The following SECISBP2 variants were observed in gnomAD, a reference collection of about 807,000 sequenced individuals.
SECISBP2 encodes selenocysteine insertion sequence-binding protein 2.
In SECISBP2, 96 loss-of-function variants were observed where a neutral mutation model predicts 98.2. The observed-to-expected ratio is 0.98, with a 90% CI of 0.83 to 1.16. The LOEUF is 1.16. SECISBP2 is among the 50% of genes most tolerant of loss of function. The probability of loss-of-function intolerance (pLI) is 0.00; values close to 1 mark genes in which losing one functional copy is unlikely to be tolerated. For missense variants in SECISBP2, 1,046 were observed against 1,022.9 expected (o/e 1.02, Z -0.31); for synonymous variants, 407 against 370.2 (o/e 1.10, Z -1.14).
chr9:89,324,194 T>C (rs1826295280), intron 2 of SECISBP2: 1 of 152,178 alleles, frequency 6.6e-6, no homozygotes, highest in South Asian at 2.1e-4. Context: ...CACAGGAACA[T>C]GTAGGCAGTG....
chr9:89,346,047 C>T (rs1830372335), intron 10 of SECISBP2, among the ~76,000 whole-genome samples: 1 of 152,198 alleles, frequency 6.6e-6, no homozygotes, highest in Non-Finnish European at 1.5e-5. Flanking sequence ...ATTTTAAAAA[C>T]ATGTTCCAAA....
chr9:89,349,632 C>T (rs1587989775), intron 12 of SECISBP2, 144 bp from the exon 13 acceptor site: 1 of 901,444 alleles, frequency 1.1e-6, no homozygotes, highest in Non-Finnish European at 1.8e-6. Context: ...TTTCTGCCTT[C>T]TGTAAACCTC....
chr9:89,341,246 G>T, intron 9 of SECISBP2, 101 bp from the exon 10 acceptor site: 1 of 1,166,884 alleles, frequency 8.6e-7, no homozygotes, highest in Middle Eastern at 2.8e-4. Flanking sequence ...CTTTTTTATA[G>T]TCTCAATCTT....
At chr9:89,361,726 C>G (rs999006275), downstream of SECISBP2, 1 of 152,406 alleles carries the variant, frequency 6.6e-6, no homozygotes, top group South Asian at 2.1e-4. Context: ...TAAACTGCAG[C>G]GCTTGATAAA....
intron 14 of SECISBP2, among the ~76,000 whole-genome samples, chr9:89,355,860 T>G (rs1279614732): frequency 1.3e-5 from 2 of 152,226 alleles, no homozygotes; most frequent in African/African-American, 4.8e-5. Flanking sequence ...ACATGCTGTT[T>G]CCATCAAACT....
At chr9:89,350,231 ATC>A (rs1587993499) in intron 13 of SECISBP2, among the ~76,000 whole-genome samples, 1 of 152,108 alleles carries the variant, frequency 6.6e-6, no homozygotes, top group African/African-American at 2.4e-5. Flanking sequence ...TCATGGTTTA[ATC>A]TCTGTGTAAT....
At chr9:89,330,680 G>A (rs534406403) in intron 5 of SECISBP2, among the ~76,000 whole-genome samples, 5 of 152,320 alleles carry the variant, frequency 3.3e-5, no homozygotes, top group African/African-American at 9.6e-5. Context: ...GAGAAGTCAG[G>A]CCAACTGATG....
rs1410404274 is a variant in SECISBP2 at position 89,325,689 on chromosome 9, G to A, written c.432+13G>A. The A allele has an allele frequency of 1.2e-6, 2 of 1,614,140 alleles. No individual in the cohort carries two copies. Among genetic ancestry groups the A allele is most frequent in the South Asian group, 1.1e-5 (1 of 91,064 alleles). On this transcript the variant is annotated intron_variant, in intron 3 of 16. Coordinates refer to ENST00000375807, the MANE Select transcript of SECISBP2 (RefSeq NM_024077.5). ...AGCTCTGTTTAAGGTGAGTAGTGAT[G>A]TTGTTTTGTTGTGTCCTTTAGTTGG... is the stretch of plus-strand genomic sequence containing the variant.
intron 16 of SECISBP2, 99 bp from the exon 17 acceptor site, chr9:89,358,622 A>C: frequency 2.6e-5 from 20 of 771,076 alleles, no homozygotes; most frequent in Non-Finnish European, 4.2e-5. Flanking sequence ...GCTGCTGGGC[A>C]GTGGCCACAG....
In SECISBP2 at chr9:89,355,899, A is replaced by G. The variant is rs147663754; in HGVS notation, c.2114-1512A>G. Among the ~76,000 whole-genome samples the G allele has an allele frequency of 2.8e-3, 424 of 152,324 alleles. 2 individuals are homozygous for G. Among genetic ancestry groups the G allele is most frequent in the Non-Finnish European group, 4.8e-3 (324 of 68,038 alleles). ...GTTTTTTCTGGCGTCCATCCTGTTA[A>G]TCTGCATCACCTTGTTTACACTATG... On this transcript the variant is annotated intron_variant, in intron 14 of 16. Coordinates refer to ENST00000375807, the MANE Select transcript of SECISBP2 (RefSeq NM_024077.5).
chr9:89,341,559 A>G, intron 10 of SECISBP2, 80 bp downstream of exon 10: 1 of 1,527,554 alleles, frequency 6.5e-7, no homozygotes, highest in Non-Finnish European at 9.1e-7. Flanking sequence ...TTCTCTTGTT[A>G]TCAAAAGTTA....
At position 89,326,171 on chromosome 9, in the gene SECISBP2, A is replaced by G. The variant is rs888691487; in HGVS notation, c.574+133A>G. On this transcript the variant is annotated intron_variant, in intron 4 of 16. Transcript: ENST00000375807. ...CCAAGAAATGAGACCTGGGTCTGAC[A>G]CAGCTTAGGGCGTCAGACTTCCTGA... 43 of 1,090,798 alleles carry G rather than the reference A, an allele frequency of 3.9e-5. No homozygotes were observed. In the African/African-American group the frequency reaches 6.4e-4, roughly 16 times the overall value. The allele number at this position is 1,090,798 out of a possible 1,614,324, so 67.6% of individuals were successfully genotyped here.
intron 3 of SECISBP2, 91 bp from the exon 4 acceptor site, chr9:89,325,806 G>T: frequency 6.3e-7 from 1 of 1,589,990 alleles, no homozygotes. Context: ...TTTAAAAAAT[G>T]ATTGAATTGT....
Position 89,348,146 on chromosome 9 carries a change from CCA to C in SECISBP2, c.1671_1672del (p.Ser558Ter). The C allele has an allele frequency of 6.2e-7, 1 of 1,614,022 alleles. No homozygotes were observed. The highest frequency in any genetic ancestry group is 8.5e-7 in the Non-Finnish European group (1 of 1,179,860). ...GAAAATGCTGTGAGTCCAGCTTTTA[CCA>C]GTGATGACACACAAGATGGAGAGAG... On this transcript the variant is annotated frameshift_variant, in exon 12 of 17. Transcript: ENST00000375807. LOFTEE classifies it high-confidence loss of function.
chr9:89,327,735 A>T (rs888802885), intron 4 of SECISBP2, among the ~76,000 whole-genome samples: 1 of 152,024 alleles, frequency 6.6e-6, no homozygotes, highest in African/African-American at 2.4e-5. Flanking sequence ...TGTGATAACA[A>T]TGCCTTATTC....
At chr9:89,318,805 C>T in intron 1 of SECISBP2, 193 bp downstream of exon 1, 1 of 1,270,906 alleles carries the variant, frequency 7.9e-7, no homozygotes, top group Non-Finnish European at 1.0e-6. Flanking sequence ...CGGTCAGCGG[C>T]TACAGACCCC....
intron 14 of SECISBP2, among the ~76,000 whole-genome samples, chr9:89,352,759 T>C (rs1354081609): frequency 6.6e-6 from 1 of 152,212 alleles, no homozygotes; most frequent in Non-Finnish European, 1.5e-5. Flanking sequence ...CTCAACCATA[T>C]CTTGTAAAAT....
rs564816124 is a variant in SECISBP2 at position 89,336,522 on chromosome 9, G to T, written c.1089+1792G>T. 2.0e-5 allele frequency among the ~76,000 whole-genome samples: 3 copies of T among 152,224 alleles called. No individual in the cohort carries two copies. The South Asian group carries it at 6.2e-4, about 32-fold the overall frequency. Reference sequence around the variant, plus strand: ...AGGATACTTTTTGATTTCCAAAAATGTAATTAGCCCATTCCACATAAATGG... The same window carrying T: ...AGGATACTTTTTGATTTCCAAAAATTTAATTAGCCCATTCCACATAAATGG... On this transcript the variant is annotated intron_variant, in intron 7 of 16. Transcript: ENST00000375807.
In SECISBP2 at chr9:89,357,534, T is replaced by C. The variant is rs1023984907; in HGVS notation, c.2237T>C (p.Val746Ala). 7 of 1,613,928 alleles carry C rather than the reference T, an allele frequency of 4.3e-6. No homozygotes were observed. In the African/African-American group the frequency reaches 9.3e-5, roughly 22 times the overall value. ...RSLNKAVPVSVVGIFSYDGAQ... is the reference protein window; with the variant it reads ...RSLNKAVPVSAVGIFSYDGAQ... ...TTGAATAAGGCAGTTCCTGTCAGTG[T>C]GGTGGGGATCTTCAGCTATGATGGG... The change falls in exon 15 of 17, where the codon GTG becomes GCG. Residue 746 changes from valine to alanine, a missense_variant. By Grantham distance (64) the Val-to-Ala change is moderately conservative (BLOSUM62 0). Coordinates refer to ENST00000375807, the MANE Select transcript of SECISBP2 (RefSeq NM_024077.5).
Sources: allele counts gnomAD v4.1 joint callset (sites outside exome capture counted in the v4.1 genomes callset), GRCh38; gene constraint gnomAD v4.1.1; transcripts MANE v1.5; gene names NCBI Gene and HGNC (gene_info 2026-07-23, HGNC 2026-07-21).